Variants in HGD observed in about 807,000 individuals in gnomAD.
The protein encoded by HGD is homogentisate oxidase.
A neutral mutation model predicts 60.8 loss-of-function variants in HGD; 61 were observed. The observed-to-expected ratio is 1.00, with a 90% CI of 0.82 to 1.24. The LOEUF is 1.24. Ranked by LOEUF, HGD falls within the 50% of genes most tolerant of loss-of-function variation. The probability of loss-of-function intolerance (pLI) is 0.00; values close to 1 mark genes in which losing one functional copy is unlikely to be tolerated. For synonymous variants in HGD, 212 were observed against 187.7 expected (o/e 1.13, Z -1.06); for missense variants, 542 against 547.1 (o/e 0.99, Z 0.09).
chr3:120,628,488 C>G lies in HGD; in HGVS notation c.1230G>C (p.Lys410Asn), dbSNP rs770278846. Reference protein sequence around the residue: ...FESSLSLAVTKWGLKASRCLD... With the variant: ...FESSLSLAVTNWGLKASRCLD... ...AACACCTGGAGGCCTTGAGTCCCCACTTTGTGACCGCCAGACTTAAAGATG... is the reference window on the plus strand; with the variant it reads ...AACACCTGGAGGCCTTGAGTCCCCAGTTTGTGACCGCCAGACTTAAAGATG... The change falls in exon 14 of 14, where the codon AAG becomes AAC. Residue 410 changes from lysine to asparagine, a missense_variant. Physicochemically the swap from Lys to Asn is moderately conservative, Grantham distance 94 (BLOSUM62 0). Around this residue, in one of 2 missense-constraint regions of HGD, gnomAD observed 537 missense variants for 529.1 expected, o/e 1.01. Transcript: ENST00000283871. 1.5e-5 allele frequency: 25 copies of G among 1,614,070 alleles called. No homozygotes were observed. Among genetic ancestry groups the G allele is most frequent in the Non-Finnish European group, 2.1e-5 (25 of 1,179,968 alleles).
Position 120,650,682 on chromosome 3 carries a change from T to G in HGD, c.434+92A>C, listed in dbSNP as rs113525423. ...ACAAAAACAACTATGTATGTGCATATGTGACTTCACAAGAGTGAAACCTGG... is the reference window on the plus strand; with the variant it reads ...ACAAAAACAACTATGTATGTGCATAGGTGACTTCACAAGAGTGAAACCTGG... On this transcript the variant is annotated intron_variant, in intron 6 of 13. Coordinates refer to ENST00000283871, the MANE Select transcript of HGD (RefSeq NM_000187.4). The G allele has an allele frequency of 6.8e-5, 60 of 878,824 alleles. 1 individual carries two copies. In the African/African-American group the frequency reaches 7.0e-4, roughly 10 times the overall value. 54.4% of individuals were successfully genotyped at this position (878,824 alleles called of 1,614,324 possible).
chr3:120,661,545 A>G (rs1448307812), intron 4 of HGD, among the ~76,000 whole-genome samples: 1 of 152,226 alleles, frequency 6.6e-6, no homozygotes, highest in Non-Finnish European at 1.5e-5. Flanking sequence ...ATCAGTGCAA[A>G]TAACTTTGGA....
intron 13 of HGD, 37 bp downstream of exon 13, chr3:120,633,110 T>C (rs776042398): frequency 3.1e-6 from 5 of 1,605,916 alleles, no homozygotes; most frequent in South Asian, 1.1e-5. Context: ...GGTGGGGAGT[T>C]CAGAGGCCGC....
At chr3:120,634,497 G>GTGCTGCCCAT (rs1940695933) in intron 12 of HGD, among the ~76,000 whole-genome samples, 1 of 151,968 alleles carries the variant, frequency 6.6e-6, no homozygotes, top group African/African-American at 2.4e-5. Flanking sequence ...CATCCAGTTA[G>GTGCTGCCCAT]CCAGCACATA....
rs141534698 is a variant in HGD, at chr3:120,648,933, G to A, written c.435-1022C>T. ...ACTCAGAACCCTGAAGGAGTTGCCT[G>A]AACTCAGAGCTAAGGTATCAGCAGG... On this transcript the variant is annotated intron_variant, in intron 6 of 13. Transcript: ENST00000283871. 7.1e-3 allele frequency among the ~76,000 whole-genome samples: 1,077 copies of A among 152,230 alleles called. 13 individuals carry two copies. The highest frequency in any genetic ancestry group is 0.024 in the African/African-American group (1,002 of 41,542).
chr3:120,673,802 A>G (rs942578571), intron 3 of HGD, among the ~76,000 whole-genome samples: 4 of 152,206 alleles, frequency 2.6e-5, no homozygotes, highest in African/African-American at 7.2e-5. Context: ...GCCTGTGCCA[A>G]TGTGCTAAGC....
At chr3:120,641,016 C>A (rs1449344538) in intron 11 of HGD, among the ~76,000 whole-genome samples, 2 of 152,174 alleles carry the variant, frequency 1.3e-5, no homozygotes, top group Non-Finnish European at 2.9e-5. Context: ...AGACCAGAGA[C>A]CATTTGTGGC....
At chr3:120,662,116 T>C (rs1361646814) in intron 4 of HGD, among the ~76,000 whole-genome samples, 1 of 152,108 alleles carries the variant, frequency 6.6e-6, no homozygotes, top group South Asian at 2.1e-4. Context: ...GTAGGGGACA[T>C]GGAAGTGAGT....
At chr3:120,628,803 T>C (rs1328470849) in intron 13 of HGD, among the ~76,000 whole-genome samples, 1 of 152,172 alleles carries the variant, frequency 6.6e-6, no homozygotes, top group Non-Finnish European at 1.5e-5. Context: ...AGCTTCAAAT[T>C]ATCTTCATGG....
At chr3:120,652,485 C>G in intron 5 of HGD, 107 bp downstream of exon 5, 1 of 815,746 alleles carries the variant, frequency 1.2e-6, no homozygotes, top group Non-Finnish European at 2.1e-6. Flanking sequence ...GTCTCTGCTG[C>G]CTCCTGATAG....
intron 4 of HGD, among the ~76,000 whole-genome samples, chr3:120,658,272 A>G (rs962239856): frequency 3.9e-5 from 6 of 152,228 alleles, no homozygotes; most frequent in African/African-American, 1.4e-4. Flanking sequence ...CCAAGATACA[A>G]TGGGGGTATA....
chr3:120,630,825 T>TATATATATATATATATATATATATATAC (rs1491569082), intron 13 of HGD, among the ~76,000 whole-genome samples: 2 of 104,120 alleles, frequency 1.9e-5, no homozygotes, highest in Non-Finnish European at 3.6e-5. Context: ...TATATATATA[T>TATATATATATATATATATATATATATAC]ACACATACAC....
chr3:120,630,081 C>T (rs1375446326), intron 13 of HGD, among the ~76,000 whole-genome samples: 1 of 152,094 alleles, frequency 6.6e-6, no homozygotes, highest in Non-Finnish European at 1.5e-5. Context: ...GGTGAAAGGT[C>T]TCTATAATGA....
At chr3:120,639,514 C>T (rs184726955) in intron 11 of HGD, among the ~76,000 whole-genome samples, 1 of 152,304 alleles carries the variant, frequency 6.6e-6, no homozygotes, top group Admixed American at 6.5e-5. Context: ...ACTGCTTTTT[C>T]ACCCTGCTGA....
chr3:120,673,618 G>A (rs1188610817), intron 3 of HGD, among the ~76,000 whole-genome samples: 1 of 152,162 alleles, frequency 6.6e-6, no homozygotes, highest in Non-Finnish European at 1.5e-5. Flanking sequence ...TCTATTGAGA[G>A]AAAAGTACTG....
chr3:120,638,470 G>A lies in HGD; in HGVS notation c.991C>T (p.Pro331Ser). Reference protein sequence around the residue: ...RWGVADKTFRPPYYHRNCMSE... With the variant: ...RWGVADKTFRSPYYHRNCMSE... The stretch of plus-strand genomic sequence containing the variant: ...AGAGACTTACTATGGTAATAAGGAG[G>A]CCTGAAGGTCTTATCAGCAACCCCC... The change falls in exon 12 of 14, where the codon CCT becomes TCT. Residue 331 changes from proline to serine, a missense_variant. This residue lies in a region of HGD where 537 missense variants were observed against 529.1 expected (regional missense o/e 1.01). Transcript: ENST00000283871. The A allele has an allele frequency of 6.2e-7, 1 of 1,613,874 alleles. No individual in the cohort carries two copies. The highest frequency in any genetic ancestry group is 8.5e-7 in the Non-Finnish European group (1 of 1,179,882).
At chr3:120,644,225 G>T (rs2107506723) in intron 10 of HGD, 94 bp downstream of exon 10, 5 of 1,426,130 alleles carry the variant, frequency 3.5e-6, no homozygotes, top group Non-Finnish European at 4.9e-6. Flanking sequence ...ACAACGAAAG[G>T]ATATATGTAA....
At chr3:120,674,414 A>G (rs894612406) in intron 3 of HGD, among the ~76,000 whole-genome samples, 1 of 152,170 alleles carries the variant, frequency 6.6e-6, no homozygotes, top group Admixed American at 6.5e-5. Context: ...ATTAATTCAA[A>G]CCACAGTGGG....
intron 1 of HGD, among the ~76,000 whole-genome samples, chr3:120,680,272 G>C (rs1269649273): frequency 1.3e-5 from 2 of 152,086 alleles, no homozygotes; most frequent in Admixed American, 6.5e-5. Context: ...TTAAAATGAA[G>C]AAATAAAAGA....
Sources: gnomAD v4.1 joint callset for allele counts (sites outside exome capture counted in the v4.1 genomes callset) on GRCh38, gnomAD v4.1.1 for gene constraint, gnomAD v4.1.1 regional missense constraint, MANE v1.5 for transcripts, NCBI Gene and HGNC (gene_info 2026-07-23, HGNC 2026-07-21) for gene names.